IFFO2: variants seen among roughly 807,000 people sequenced by gnomAD.
IFFO2 encodes intermediate filament family orphan 2.
Under a neutral mutation model 53.5 loss-of-function variants are expected in IFFO2, and 19 were observed. The ratio of observed to expected loss-of-function variants is 0.36; its 90% CI spans 0.25 to 0.52. IFFO2 has a LOEUF of 0.52. IFFO2 is among the 20% of genes least tolerant of loss of function. The pLI is 0.94. For synonymous variants in IFFO2, 303 were observed against 313.6 expected (o/e 0.97, Z 0.36); for missense variants, 570 against 727.4 (o/e 0.78, Z 2.49).
At chr1:18,912,813 G>A (rs1936061000) in intron 5 of IFFO2, among the ~76,000 whole-genome samples, 1 of 152,220 alleles carries the variant, frequency 6.6e-6, no homozygotes, top group African/African-American at 2.4e-5. Context: ...CTGGAAATGA[G>A]ATTTGAATTC....
At chr1:18,938,509 T>A (rs1237043244) in intron 1 of IFFO2, among the ~76,000 whole-genome samples, 1 of 152,166 alleles carries the variant, frequency 6.6e-6, no homozygotes. Flanking sequence ...CAGCACACCG[T>A]AGGCCCTCAA....
rs1263993784 is a variant in IFFO2 at position 18,917,856 on chromosome 1, G to C, written c.963+506C>G. On this transcript the variant is annotated intron_variant, in intron 4 of 8. Transcript: ENST00000455833. This position sits in a 1 kb window ranked among gnomAD's most constrained non-coding sequence, Gnocchi z 5.9. The stretch of plus-strand genomic sequence containing the variant: ...ACGTTAGGTCGGGGGGGTATCGAGA[G>C]CCTCTTTGGGGTGGAATGAAAAATA... Among the ~76,000 whole-genome samples the C allele has an allele frequency of 6.6e-6, 1 of 152,196 alleles. No homozygotes were observed. The highest frequency in any genetic ancestry group is 1.5e-5 in the Non-Finnish European group (1 of 68,034).
intron 1 of IFFO2, among the ~76,000 whole-genome samples, chr1:18,949,264 G>T (rs1936628152): frequency 6.6e-6 from 1 of 152,272 alleles, no homozygotes; most frequent in African/African-American, 2.4e-5. Context: ...TCCTGGCTGG[G>T]ATCTGCCAGT....
rs1371051652 is a variant in IFFO2, at chr1:18,907,308, T to A, written c.*1253A>T. Reference sequence around the variant, plus strand: ...CTTGGGGGATGCTGGCTCAGATCAATACCCCGACTGGCCAGTCGAGGGAAC... The same window carrying A: ...CTTGGGGGATGCTGGCTCAGATCAAAACCCCGACTGGCCAGTCGAGGGAAC... On this transcript the variant is annotated 3_prime_UTR_variant, in exon 9 of 9. Transcript: ENST00000455833. 2 of 152,186 alleles carry A rather than the reference T, an allele frequency of 1.3e-5. No individual in the cohort carries two copies. Among genetic ancestry groups the A allele is most frequent in the African/African-American group, 4.8e-5 (2 of 41,430 alleles). The allele number at this position is 152,186 out of a possible 1,614,324, so 9.4% of individuals were successfully genotyped here.
rs1035056507 is a variant in IFFO2, at chr1:18,918,740, C to T, written c.823-238G>A. ...TGTGACGCCGTGTGTGCTGCTCTCC[C>T]TAAGGGCTGGAAGGCATCCTCCCAG... On this transcript the variant is annotated intron_variant, in intron 3 of 8. Coordinates refer to ENST00000455833, the MANE Select transcript of IFFO2 (RefSeq NM_001136265.2). This position sits in a 1 kb window ranked among gnomAD's most constrained non-coding sequence, Gnocchi z 5.2. Among the ~76,000 whole-genome samples the T allele has an allele frequency of 1.3e-5, 2 of 152,016 alleles. No homozygotes were observed. Among genetic ancestry groups the T allele is most frequent in the Non-Finnish European group, 2.9e-5 (2 of 67,970 alleles).
intron 1 of IFFO2, among the ~76,000 whole-genome samples, chr1:18,944,393 G>A (rs1039896798): frequency 3.3e-5 from 5 of 152,128 alleles, no homozygotes; most frequent in Non-Finnish European, 5.9e-5. Context: ...GCCGGGGCGG[G>A]GAGAGGTAAG....
chr1:18,925,123 C>T (rs962262475), intron 1 of IFFO2, among the ~76,000 whole-genome samples: 1 of 152,136 alleles, frequency 6.6e-6, no homozygotes, highest in African/African-American at 2.4e-5. Context: ...ATTACCTTCT[C>T]GGTGGTATCC....
At chr1:18,910,313 C>T (rs1035602636) in intron 8 of IFFO2, 29 bp downstream of exon 8, 6 of 1,580,234 alleles carry the variant, frequency 3.8e-6, no homozygotes, top group Non-Finnish European at 4.3e-6. Flanking sequence ...GATGCCATAG[C>T]TGAATCCCCT....
At chr1:18,941,390 C>T (rs543629392) in intron 1 of IFFO2, among the ~76,000 whole-genome samples, 2 of 152,236 alleles carry the variant, frequency 1.3e-5, no homozygotes, top group Non-Finnish European at 2.9e-5. Context: ...AGCTACAAAG[C>T]AGCCTTTGTC....
intron 1 of IFFO2, among the ~76,000 whole-genome samples, chr1:18,950,728 G>C (rs945088363): frequency 6.6e-6 from 1 of 152,202 alleles, no homozygotes; most frequent in South Asian, 2.1e-4. Context: ...GACATTCAGG[G>C]GCCAGCACCC....
chr1:18,931,090 C>T (rs565077677), intron 1 of IFFO2, among the ~76,000 whole-genome samples: 158 of 152,194 alleles, frequency 1.0e-3, no homozygotes, highest in African/African-American at 3.3e-3. Flanking sequence ...GAGGATCCCT[C>T]GAGCCTAGTA....
Position 18,918,474 on chromosome 1 carries a change from T to C in IFFO2, c.851A>G (p.Gln284Arg). 1 of 1,557,536 alleles carries C rather than the reference T, an allele frequency of 6.4e-7. No individual in the cohort carries two copies. The highest frequency in any genetic ancestry group is 8.7e-7 in the Non-Finnish European group (1 of 1,150,180). Reference sequence around the variant, plus strand: ...CATGTCCACCTTCATGGCCTTTTCTTGGATCTTTGTGTCCAGGTCTGTCAT... The same window carrying C: ...CATGTCCACCTTCATGGCCTTTTCTCGGATCTTTGTGTCCAGGTCTGTCAT... The part of the protein sequence containing the change: ...DPMTDLDTKI[Q>R]EKAMKVDMDI... The change falls in exon 4 of 9, where the codon CAA (glutamine) becomes CGA (arginine). Residue 284 changes from glutamine to arginine, a missense_variant. Gln to Arg is a conservative substitution (Grantham distance 43). Coordinates refer to ENST00000455833, the MANE Select transcript of IFFO2 (RefSeq NM_001136265.2). The surrounding 1 kb of genome is among the most constrained non-coding windows in gnomAD (Gnocchi z 5.2).
chr1:18,936,162 A>G lies in IFFO2; in HGVS notation c.666-15041T>C, dbSNP rs79820935. ...GGGCCTTCTCTAGGAGATCCAATCTAGGCCAATGCAGCCCTGTCGCCTTAG... is the reference window on the plus strand; with the variant it reads ...GGGCCTTCTCTAGGAGATCCAATCTGGGCCAATGCAGCCCTGTCGCCTTAG... On this transcript the variant is annotated intron_variant, in intron 1 of 8. Transcript: ENST00000455833. The surrounding 1 kb of genome is among the most constrained non-coding windows in gnomAD (Gnocchi z 4.5). Among the ~76,000 whole-genome samples, 2,237 of 152,272 alleles carry G rather than the reference A, an allele frequency of 0.015. 49 individuals carry two copies. Among genetic ancestry groups the G allele is most frequent in the East Asian group, 0.11 (584 of 5,180 alleles).
chr1:18,940,814 T>G (rs889688599), intron 1 of IFFO2, among the ~76,000 whole-genome samples: 1 of 152,098 alleles, frequency 6.6e-6, no homozygotes, highest in African/African-American at 2.4e-5. Flanking sequence ...TACCTAAACA[T>G]GCAGATACAA....
rs1936328385 is a variant in IFFO2, at chr1:18,928,173, C to T, written c.666-7052G>A. ...CTCTAGCCCCTGCGCATGAAAGAGGCCCCCTCCTGCCTGCCCCAAGCCCCA... is the reference window on the plus strand; with the variant it reads ...CTCTAGCCCCTGCGCATGAAAGAGGTCCCCTCCTGCCTGCCCCAAGCCCCA... On this transcript the variant is annotated intron_variant, in intron 1 of 8. Transcript: ENST00000455833. This position sits in a 1 kb window ranked among gnomAD's most constrained non-coding sequence, Gnocchi z 4.9. 6.6e-6 allele frequency among the ~76,000 whole-genome samples: 1 copy of T among 152,136 alleles called. No individual in the cohort carries two copies. Among genetic ancestry groups the T allele is most frequent in the Non-Finnish European group, 1.5e-5 (1 of 68,032 alleles).
Position 18,925,992 on chromosome 1 carries a change from ATGGATGGAT to A in IFFO2, c.666-4880_666-4872del, listed in dbSNP as rs768241022. 1.1e-3 allele frequency among the ~76,000 whole-genome samples: 123 copies of A among 114,858 alleles called. 1 individual carries two copies. The highest frequency in any genetic ancestry group is 4.2e-3 in the African/African-American group (108 of 25,750). 75.4% of individuals were successfully genotyped at this position (114,858 alleles called of 152,430 possible). A position where few individuals can be genotyped will look rare whatever the true frequency, so the allele number is the denominator to read the frequency against. On this transcript the variant is annotated intron_variant, in intron 1 of 8. Coordinates refer to ENST00000455833, the MANE Select transcript of IFFO2 (RefSeq NM_001136265.2). ...GATGGATGGATGGATGGATGGATGG[ATGGATGGAT>A]TGGTTGGATGGATGGATGGATGGAT...
Position 18,910,249 on chromosome 1 carries a change from A to G in IFFO2, c.1448+93T>C, listed in dbSNP as rs1173595650. The stretch of plus-strand genomic sequence containing the variant: ...CGGACAGATGGACGGACAGAGAGAC[A>G]GGTTGGGAGCATGACACATGGCCGA... On this transcript the variant is annotated intron_variant, in intron 8 of 8. Coordinates refer to ENST00000455833, the MANE Select transcript of IFFO2 (RefSeq NM_001136265.2). The G allele has an allele frequency of 1.2e-5, 17 of 1,383,554 alleles. No homozygotes were observed. The East Asian group carries it at 3.5e-4, about 29-fold the overall frequency. 85.7% of individuals were successfully genotyped at this position (1,383,554 alleles called of 1,614,324 possible).
At position 18,914,042 on chromosome 1, in the gene IFFO2, A is replaced by G. The variant is rs1247436042; in HGVS notation, c.1104-1959T>C. Among the ~76,000 whole-genome samples the G allele has an allele frequency of 7.2e-5, 11 of 152,254 alleles. No individual in the cohort carries two copies. In the East Asian group the frequency reaches 1.4e-3, roughly 19 times the overall value. Reference sequence around the variant, plus strand: ...GAGACAGCGTTTCACCGTGTTAGCCAGGATGGTCTCGATCTCCTGACCTCG... The same window carrying G: ...GAGACAGCGTTTCACCGTGTTAGCCGGGATGGTCTCGATCTCCTGACCTCG... On this transcript the variant is annotated intron_variant, in intron 5 of 8. Coordinates refer to ENST00000455833, the MANE Select transcript of IFFO2 (RefSeq NM_001136265.2).
At position 18,910,220 on chromosome 1, in the gene IFFO2, CGGACGGACAGAT is replaced by C. The variant is rs887798313; in HGVS notation, c.1448+110_1448+121del. On this transcript the variant is annotated intron_variant, in intron 8 of 8. Transcript: ENST00000455833. The stretch of plus-strand genomic sequence containing the variant: ...ATGGATGGATGGATGGATGGACGGA[CGGACGGACAGAT>C]GGACGGACAGAGAGACAGGTTGGGA... 1.0e-3 allele frequency: 1,157 copies of C among 1,127,408 alleles called. 5 individuals are homozygous for C. In the African/African-American group the frequency reaches 0.011, roughly 11 times the overall value. The allele number at this position is 1,127,408 out of a possible 1,614,324, so 69.8% of individuals were successfully genotyped here. A position where few individuals can be genotyped will look rare whatever the true frequency, so the allele number is the denominator to read the frequency against.
Sources: allele counts gnomAD v4.1 joint callset (sites outside exome capture counted in the v4.1 genomes callset), GRCh38; gene constraint gnomAD v4.1.1; non-coding constraint Gnocchi (gnomAD v3.1); transcripts MANE v1.5; gene names NCBI Gene and HGNC (gene_info 2026-07-23, HGNC 2026-07-21).